The following FTCDNL1 variants were observed in gnomAD, a reference collection of about 807,000 sequenced individuals.
FTCDNL1 encodes formiminotransferase cyclodeaminase N-terminal like, also known as formiminotransferase N-terminal subdomain-containing protein.
Under a neutral mutation model 5.9 loss-of-function variants are expected in FTCDNL1, and 11 were observed. That is an observed-to-expected ratio of 1.87 (90% CI 1.18 to 3.10). FTCDNL1 has a LOEUF of 3.10. Among genes scored for constraint, FTCDNL1 ranks in the 30% most tolerant of loss-of-function variants. The probability of loss-of-function intolerance (pLI) is 0.00; values close to 1 mark genes in which losing one functional copy is unlikely to be tolerated. For missense variants in FTCDNL1, 115 were observed against 65.5 expected (o/e 1.76, Z -2.61); for synonymous variants, 58 against 24.8 (o/e 2.34, Z -3.99).
chr2:199,839,310 T>G (rs1204059462), intron 3 of FTCDNL1, among the ~76,000 whole-genome samples: 2 of 152,136 alleles, frequency 1.3e-5, no homozygotes, highest in Non-Finnish European at 2.9e-5. Flanking sequence ...AAAAGGAACA[T>G]TTACAGAGTA....
chr2:199,739,199 C>T, the FTCDNL1 span, among the ~76,000 whole-genome samples: 1 of 152,136 alleles, frequency 6.6e-6, no homozygotes, highest in Non-Finnish European at 1.5e-5. Flanking sequence ...CTATTTTAAT[C>T]ACCCGACTTC....
intron 3 of FTCDNL1, among the ~76,000 whole-genome samples, chr2:199,845,599 C>T (rs1054402024): frequency 4.6e-5 from 7 of 151,984 alleles, no homozygotes; most frequent in African/African-American, 1.5e-4. Flanking sequence ...CTGTCCTATG[C>T]TTGCTGAAGT....
the FTCDNL1 span, among the ~76,000 whole-genome samples, chr2:199,718,895 A>T: frequency 6.6e-6 from 1 of 150,974 alleles, no homozygotes; most frequent in Non-Finnish European, 1.5e-5. Context: ...TTTTTTTATT[A>T]TTTTTTTCTT....
chr2:199,843,884 G>T (rs1488208197), intron 3 of FTCDNL1, among the ~76,000 whole-genome samples: 1 of 151,904 alleles, frequency 6.6e-6, no homozygotes, highest in Admixed American at 6.6e-5. Flanking sequence ...CTTACCCCTG[G>T]GGCTGAAATC....
At position 199,786,917 on chromosome 2, in the gene FTCDNL1, A is replaced by G. The variant is rs563479972; in HGVS notation, c.212-26082T>C. ...GGTGTCACCTGGGCTCCATTCCTCT[A>G]TGGTTCTAGGGGAGTTCTAGGGAAG... is the stretch of plus-strand genomic sequence containing the variant. On this transcript the variant is annotated intron_variant, in intron 3 of 3. Coordinates refer to the FTCDNL1 transcript ENST00000416668. 9.2e-5 allele frequency among the ~76,000 whole-genome samples: 14 copies of G among 152,172 alleles called. No homozygotes were observed. The East Asian group carries it at 2.1e-3, about 23-fold the overall frequency.
At chr2:199,744,337 C>G in the FTCDNL1 span, among the ~76,000 whole-genome samples, 1 of 152,004 alleles carries the variant, frequency 6.6e-6, no homozygotes, top group Non-Finnish European at 1.5e-5. Context: ...TAAATAAAGT[C>G]AGAAGAGTGG....
chr2:199,822,630 C>T (rs1701770024), intron 3 of FTCDNL1, among the ~76,000 whole-genome samples: 1 of 152,200 alleles, frequency 6.6e-6, no homozygotes, highest in Non-Finnish European at 1.5e-5. Context: ...GCATGTGATG[C>T]TGTTTGATAG....
intron 3 of FTCDNL1, among the ~76,000 whole-genome samples, chr2:199,770,997 C>T (rs1278988382): frequency 6.6e-6 from 1 of 152,210 alleles, no homozygotes; most frequent in African/African-American, 2.4e-5. Context: ...CAAATGCAAG[C>T]TCACAGTACA....
the FTCDNL1 span, among the ~76,000 whole-genome samples, chr2:199,723,089 A>AT: frequency 2.0e-5 from 3 of 151,226 alleles, no homozygotes; most frequent in Non-Finnish European, 2.9e-5. Context: ...TGCATTAGCT[A>AT]TTTTTTCTGA....
At chr2:199,763,146 C>T (rs1488766381) in intron 3 of FTCDNL1, among the ~76,000 whole-genome samples, 1 of 152,190 alleles carries the variant, frequency 6.6e-6, no homozygotes, top group Non-Finnish European at 1.5e-5. Flanking sequence ...GGTTCTAAGT[C>T]ACTACAATTA....
At chr2:199,750,294 G>A in the FTCDNL1 span, among the ~76,000 whole-genome samples, 1 of 151,750 alleles carries the variant, frequency 6.6e-6, no homozygotes, top group Non-Finnish European at 1.5e-5. Context: ...AGAGGTGGAG[G>A]GTGCAATGAG....
chr2:199,760,632 T>C (rs1004492538), exon 4 of FTCDNL1: 2 of 524,352 alleles, frequency 3.8e-6, no homozygotes, highest in Non-Finnish European at 6.9e-6. Flanking sequence ...CAAATGTAAA[T>C]GCAATATACC....
the FTCDNL1 span, among the ~76,000 whole-genome samples, chr2:199,681,584 A>G: frequency 6.6e-6 from 1 of 152,218 alleles, no homozygotes; most frequent in African/African-American, 2.4e-5. Flanking sequence ...GCAAGTTCAG[A>G]AACAAAGTCA....
chr2:199,767,992 C>T (rs940354869), intron 3 of FTCDNL1, among the ~76,000 whole-genome samples: 26 of 152,198 alleles, frequency 1.7e-4, no homozygotes, highest in African/African-American at 5.5e-4. Context: ...AATTAACTGA[C>T]ATTATTGAGT....
At chr2:199,664,281 G>A in the FTCDNL1 span, among the ~76,000 whole-genome samples, 1 of 152,112 alleles carries the variant, frequency 6.6e-6, no homozygotes, top group Non-Finnish European at 1.5e-5. Flanking sequence ...AAATGCGTAT[G>A]TATTTCAAGG....
chr2:199,728,310 C>T, the FTCDNL1 span, among the ~76,000 whole-genome samples: 1 of 151,258 alleles, frequency 6.6e-6, no homozygotes, highest in Admixed American at 6.6e-5. Context: ...TGCAGTGGTG[C>T]AATCTTGGCT....
At chr2:199,695,703 C>T in the FTCDNL1 span, among the ~76,000 whole-genome samples, 4 of 152,132 alleles carry the variant, frequency 2.6e-5, no homozygotes, top group South Asian at 2.1e-4. Context: ...GGAGACCCCA[C>T]GACCCCCACA....
the FTCDNL1 span, among the ~76,000 whole-genome samples, chr2:199,751,657 C>G: frequency 1.3e-5 from 2 of 151,974 alleles, no homozygotes; most frequent in Non-Finnish European, 2.9e-5. Flanking sequence ...TCTCTCTGCC[C>G]GACTGCATGC....
At chr2:199,740,215 G>A in the FTCDNL1 span, among the ~76,000 whole-genome samples, 1 of 152,174 alleles carries the variant, frequency 6.6e-6, no homozygotes, top group Admixed American at 6.5e-5. Flanking sequence ...ACCATCACTG[G>A]CAAAGAGCCA....
Sources: allele counts gnomAD v4.1 joint callset (sites outside exome capture counted in the v4.1 genomes callset), GRCh38; gene constraint gnomAD v4.1.1; transcripts MANE v1.5; gene names NCBI Gene and HGNC (gene_info 2026-07-23, HGNC 2026-07-21).